Variants in GLDC observed in about 807,000 individuals in gnomAD.
GLDC encodes glycine dehydrogenase (decarboxylating), mitochondrial.
Under a neutral mutation model 121.3 loss-of-function variants are expected in GLDC, and 104 were observed. The observed-to-expected ratio is 0.86, with a 90% CI of 0.73 to 1.01. The LOEUF (loss-of-function observed/expected upper bound fraction) is 1.01, where lower values mean the gene tolerates loss of function less well. GLDC is among the 50% of genes least tolerant of loss of function. The pLI is 0.00. For missense variants in GLDC, 1,429 were observed against 1,306.6 expected, an observed-to-expected ratio of 1.09 and a Z score of -1.44; for synonymous variants, 546 against 480.6, an observed-to-expected ratio of 1.14 and a Z score of -1.78.
Position 6,644,715 on chromosome 9 carries a change from AG to A in GLDC, c.256-24del, listed in dbSNP as rs775556704. The A allele has an allele frequency of 1.2e-5, 19 of 1,538,534 alleles. No individual in the cohort carries two copies. In the African/African-American group the frequency reaches 2.2e-4, roughly 18 times the overall value. Reference sequence around the variant, plus strand: ...GCTCTAAAATTAAAACGCAAGGCAGAGGAAAGTGCCTCTGAGTTAAAAGAGT... The same window carrying A: ...GCTCTAAAATTAAAACGCAAGGCAGAGAAAGTGCCTCTGAGTTAAAAGAGT... On this transcript the variant is annotated intron_variant, in intron 1 of 24. Coordinates refer to ENST00000321612, the MANE Select transcript of GLDC (RefSeq NM_000170.3).
At chr9:6,573,970 T>C (rs1818014143) in intron 15 of GLDC, among the ~76,000 whole-genome samples, 2 of 152,246 alleles carry the variant, frequency 1.3e-5, no homozygotes, top group African/African-American at 2.4e-5. Flanking sequence ...TACCCTAACG[T>C]TAGCCAGGTC....
intron 18 of GLDC, 112 bp from the exon 19 acceptor site, chr9:6,554,893 G>C (rs572157378): frequency 1.3e-5 from 10 of 775,450 alleles, no homozygotes; most frequent in Non-Finnish European, 2.3e-5. Context: ...AAAGCAGGCA[G>C]AGCCACATCC....
intron 2 of GLDC, among the ~76,000 whole-genome samples, chr9:6,626,305 A>G (rs1819235908): frequency 6.6e-6 from 1 of 152,236 alleles, no homozygotes; most frequent in African/African-American, 2.4e-5. Flanking sequence ...GGGGTGGGGC[A>G]CCACCCCAGT....
At chr9:6,641,605 C>T (rs1190126488) in intron 2 of GLDC, among the ~76,000 whole-genome samples, 2 of 152,154 alleles carry the variant, frequency 1.3e-5, no homozygotes, top group Non-Finnish European at 1.5e-5. Context: ...ATCTGAATAT[C>T]ACGGTTTCTT....
intron 2 of GLDC, among the ~76,000 whole-genome samples, chr9:6,636,259 G>A (rs1161374023): frequency 2.7e-5 from 4 of 150,692 alleles, no homozygotes; most frequent in Admixed American, 2.0e-4. Flanking sequence ...ATCTGAGATC[G>A]TGCCACTGTA....
chr9:6,604,522 T>C (rs1166169181), intron 7 of GLDC, 66 bp downstream of exon 7: 1 of 1,403,142 alleles, frequency 7.1e-7, no homozygotes, highest in South Asian at 1.2e-5. Context: ...AAATCAACAT[T>C]TGTGATCAGA....
chr9:6,614,340 T>C (rs1463380199), intron 3 of GLDC, among the ~76,000 whole-genome samples: 1 of 151,952 alleles, frequency 6.6e-6, no homozygotes, highest in East Asian at 1.9e-4. Flanking sequence ...GCTCAAGCAA[T>C]CCTCCCACCT....
intron 3 of GLDC, among the ~76,000 whole-genome samples, chr9:6,614,752 C>T (rs1818934640): frequency 6.6e-6 from 1 of 152,044 alleles, no homozygotes; most frequent in Non-Finnish European, 1.5e-5. Flanking sequence ...AGAAATACAT[C>T]GTTAGGTGAT....
At chr9:6,631,679 G>A (rs770762977) in intron 2 of GLDC, among the ~76,000 whole-genome samples, 3 of 152,160 alleles carry the variant, frequency 2.0e-5, no homozygotes, top group Non-Finnish European at 4.4e-5. Flanking sequence ...CATTGTCATG[G>A]CCTACAGAGC....
At chr9:6,635,807 C>T (rs1819489133) in intron 2 of GLDC, among the ~76,000 whole-genome samples, 2 of 151,746 alleles carry the variant, frequency 1.3e-5, no homozygotes, top group Admixed American at 6.6e-5. Context: ...CCGGAGAGGT[C>T]GAGGTTGCAC....
intron 17 of GLDC, 128 bp downstream of exon 17, chr9:6,558,431 T>C (rs568206972): frequency 1.4e-5 from 15 of 1,094,830 alleles, no homozygotes; most frequent in South Asian, 1.2e-4. Context: ...TAGACTCTGG[T>C]CAAAGGAAGA....
intron 22 of GLDC, among the ~76,000 whole-genome samples, chr9:6,538,081 A>C (rs571321676): frequency 3.9e-5 from 6 of 152,208 alleles, no homozygotes; most frequent in African/African-American, 1.4e-4. Flanking sequence ...TGGTAAATGC[A>C]TACACCTTTG....
intron 7 of GLDC, among the ~76,000 whole-genome samples, chr9:6,603,507 G>C (rs111746315): frequency 5.3e-5 from 8 of 151,570 alleles, no homozygotes; most frequent in South Asian, 4.2e-4. Flanking sequence ...ACTCCAGCCT[G>C]GGTGATGGAG....
chr9:6,607,634 T>A (rs1818762505), intron 4 of GLDC, among the ~76,000 whole-genome samples: 1 of 151,896 alleles, frequency 6.6e-6, no homozygotes, highest in Non-Finnish European at 1.5e-5. Flanking sequence ...GTTTATTTAT[T>A]TATTTTTATT....
chr9:6,585,338 C>A (rs1818247961), intron 15 of GLDC, among the ~76,000 whole-genome samples: 1 of 152,158 alleles, frequency 6.6e-6, no homozygotes, highest in African/African-American at 2.4e-5. Flanking sequence ...GGCGAAATTT[C>A]TTAATTTTCA....
In GLDC at chr9:6,645,437, G is replaced by T. The variant is rs372141443; in HGVS notation, c.63C>A (p.Arg21=). 211 of 1,275,350 alleles carry T rather than the reference G, an allele frequency of 1.7e-4. 3 individuals carry two copies. In the South Asian group the frequency reaches 5.7e-3, roughly 34 times the overall value. 79.0% of individuals were successfully genotyped at this position (1,275,350 alleles called of 1,614,324 possible). A position where few individuals can be genotyped will look rare whatever the true frequency, so the allele number is the denominator to read the frequency against. Residue 21 remains arginine (R), a synonymous_variant, in exon 1 of 25, where the codon CGC becomes CGA. Coordinates refer to ENST00000321612, the MANE Select transcript of GLDC (RefSeq NM_000170.3). ...AGCACGGCCCCGATCCCCCAGCCAG[G>T]CGGCGGCCGCCCCCGACCCCGCGGC... ...RLGRGVGGGR[R]LAGGSGPCWA...
At chr9:6,588,343 G>A in intron 14 of GLDC, 58 bp downstream of exon 14, 2 of 1,173,546 alleles carry the variant, frequency 1.7e-6, no homozygotes, top group South Asian at 1.2e-5. Flanking sequence ...CTGGGCTTAG[G>A]TGGAAGCTAG....
chr9:6,632,789 G>T (rs1819414699), intron 2 of GLDC, among the ~76,000 whole-genome samples: 1 of 152,198 alleles, frequency 6.6e-6, no homozygotes, highest in Admixed American at 6.5e-5. Flanking sequence ...GAGCTGACTA[G>T]TGGACCTTGA....
At chr9:6,566,985 G>A (rs577496142) in intron 15 of GLDC, among the ~76,000 whole-genome samples, 1 of 152,140 alleles carries the variant, frequency 6.6e-6, no homozygotes, top group Admixed American at 6.5e-5. Flanking sequence ...CTGCCTCCCA[G>A]AGCTACGGGC....
Sources: allele counts gnomAD v4.1 joint callset (sites outside exome capture counted in the v4.1 genomes callset), GRCh38; gene constraint gnomAD v4.1.1; transcripts MANE v1.5; gene names NCBI Gene and HGNC (gene_info 2026-07-23, HGNC 2026-07-21).